The following TIAM1 variants were observed in gnomAD, a reference collection of about 807,000 sequenced individuals.
TIAM1 encodes the protein rho guanine nucleotide exchange factor TIAM1.
A neutral mutation model predicts 163.5 loss-of-function variants in TIAM1; 65 were observed. That is an observed-to-expected ratio of 0.40 (90% CI 0.33 to 0.49). The LOEUF (loss-of-function observed/expected upper bound fraction) is 0.49. TIAM1 is among the 20% of genes least tolerant of loss of function. The probability of loss-of-function intolerance (pLI) is 0.77; values close to 1 mark genes in which losing one functional copy is unlikely to be tolerated. For missense variants in TIAM1, 1,789 were observed against 2,044.7 expected (o/e 0.87, Z 2.41); for synonymous variants, 833 against 810.1 (o/e 1.03, Z -0.48).
intron 2 of TIAM1, among the ~76,000 whole-genome samples, chr21:31,298,371 TA>T (rs2074370140): frequency 6.6e-6 from 1 of 152,242 alleles, no homozygotes; most frequent in Non-Finnish European, 1.5e-5. Flanking sequence ...ACTGATTTTG[TA>T]AACTGTCTAT....
chr21:31,245,748 C>T (rs2146720687), intron 5 of TIAM1, 88 bp from the exon 6 acceptor site: 1 of 1,218,502 alleles, frequency 8.2e-7, no homozygotes, highest in East Asian at 3.1e-5. Flanking sequence ...TGCACCCTGT[C>T]AGAGGCTGAA....
chr21:31,264,261 C>A (rs967119455), intron 4 of TIAM1, among the ~76,000 whole-genome samples: 2 of 152,126 alleles, frequency 1.3e-5, no homozygotes, highest in Middle Eastern at 6.3e-3. Context: ...ATTCGTTTTT[C>A]AACTCTTGCT....
chr21:31,347,337 A>T (rs868081977), upstream of TIAM1, among the ~76,000 whole-genome samples: 3 of 152,080 alleles, frequency 2.0e-5, no homozygotes, highest in Non-Finnish European at 2.9e-5. Context: ...CCTCGGAGGG[A>T]AGCAGGACTT....
intron 2 of TIAM1, among the ~76,000 whole-genome samples, chr21:31,290,957 C>CT: frequency 6.6e-6 from 1 of 152,142 alleles, no homozygotes; most frequent in Non-Finnish European, 1.5e-5. Flanking sequence ...CTAGCGCTCA[C>CT]TAGGGACCAC....
chr21:31,157,744 C>CA (rs1482087298), intron 16 of TIAM1, among the ~76,000 whole-genome samples: 1 of 152,124 alleles, frequency 6.6e-6, no homozygotes. Context: ...ATTTAACATG[C>CA]AAATTCCACG....
intron 16 of TIAM1, among the ~76,000 whole-genome samples, chr21:31,154,820 G>A (rs13046656): frequency 1.3e-5 from 2 of 152,260 alleles, no homozygotes; most frequent in Non-Finnish European, 1.5e-5. Context: ...GCAAGAAGTC[G>A]ATAAATCAGG....
At chr21:31,426,821 C>T (rs1211666447) in intron 2 of TIAM1, among the ~76,000 whole-genome samples, 3 of 152,142 alleles carry the variant, frequency 2.0e-5, no homozygotes, top group Non-Finnish European at 4.4e-5. Flanking sequence ...CATCAACCAA[C>T]AAGACAGATG....
chr21:31,508,926 G>A (rs1050790144), intron 1 of TIAM1, among the ~76,000 whole-genome samples: 11 of 152,118 alleles, frequency 7.2e-5, no homozygotes, highest in African/African-American at 2.4e-4. Context: ...AGGACATTTA[G>A]CAAACTGGGC....
chr21:31,389,931 A>C (rs1602161164), intron 2 of TIAM1, among the ~76,000 whole-genome samples: 1 of 152,312 alleles, frequency 6.6e-6, no homozygotes, highest in Non-Finnish European at 1.5e-5. Context: ...TGACAAATTT[A>C]TTTCATTACA....
chr21:31,147,313 A>T (rs2083169689), intron 19 of TIAM1, among the ~76,000 whole-genome samples: 1 of 152,132 alleles, frequency 6.6e-6, no homozygotes, highest in African/African-American at 2.4e-5. Context: ...GAGAAAGTAT[A>T]TACTTTGGAA....
intron 2 of TIAM1, among the ~76,000 whole-genome samples, chr21:31,296,901 A>G (rs373990536): frequency 2.4e-4 from 37 of 152,216 alleles, no homozygotes; most frequent in East Asian, 5.8e-4. Flanking sequence ...CTGACCTCAT[A>G]ATCCGCCCGC....
Position 31,130,260 on chromosome 21 carries a change from T to A in TIAM1, c.3998A>T (p.His1333Leu), listed in dbSNP as rs1601195806. ...CTGCAGCGCTTCCGTGGGGATCATG[T>A]GTCGAAATCTGAAGGGGTCCCAGTC... ...YEDWDPFRFR[H>L]MIPTEALQVR... The change falls in exon 25 of 28, where the codon CAC becomes CTC. Residue 1333 changes from histidine (H) to leucine (L), a missense_variant. His to Leu is a moderately conservative substitution (Grantham distance 99). Around this residue, in one of 5 missense-constraint regions of TIAM1, gnomAD observed 415 missense variants for 439.2 expected, o/e 0.94. Transcript: ENST00000541036. 1.2e-6 allele frequency: 2 copies of A among 1,614,144 alleles called. No individual in the cohort carries two copies. The highest frequency in any genetic ancestry group is 1.3e-5 in the African/African-American group (1 of 75,038).
At chr21:31,157,977 T>C (rs776788448) in intron 16 of TIAM1, among the ~76,000 whole-genome samples, 1 of 152,224 alleles carries the variant, frequency 6.6e-6, no homozygotes, top group Non-Finnish European at 1.5e-5. Flanking sequence ...CACATTCCTT[T>C]GTGCTTCCAA....
intron 12 of TIAM1, among the ~76,000 whole-genome samples, chr21:31,197,257 A>T (rs190294437): frequency 3.3e-4 from 50 of 152,344 alleles, no homozygotes; most frequent in Middle Eastern, 3.4e-3. Flanking sequence ...AAAATTATTT[A>T]AAAAATTTTT....
chr21:31,283,515 CTTTCTTTCT>C (rs2073661925), intron 2 of TIAM1, among the ~76,000 whole-genome samples: 1 of 151,708 alleles, frequency 6.6e-6, no homozygotes, highest in Non-Finnish European at 1.5e-5. Flanking sequence ...CCATTTCTTT[CTTTCTTTCT>C]TTTCTTTCCC....
chr21:31,360,214 G>A lies in TIAM1; in HGVS notation c.-368-20792C>T, dbSNP rs576580375. On this transcript the variant is annotated intron_variant, in intron 2 of 28. Coordinates refer to the TIAM1 transcript ENST00000286827. ...TTCTAAGTGTTTGAAGAAAATCACC[G>A]CCAACTGAGAATTCTATATGCAGCA... Among the ~76,000 whole-genome samples the A allele has an allele frequency of 1.3e-4, 20 of 152,056 alleles. No homozygotes were observed. In the East Asian group the frequency reaches 1.7e-3, roughly 13 times the overall value.
chr21:31,383,105 T>C (rs1304720615), intron 2 of TIAM1, among the ~76,000 whole-genome samples: 1 of 152,074 alleles, frequency 6.6e-6, no homozygotes, highest in African/African-American at 2.4e-5. Flanking sequence ...CCTGGCGTGG[T>C]GGTGGGCACC....
intron 2 of TIAM1, among the ~76,000 whole-genome samples, chr21:31,289,944 A>G (rs572775774): frequency 1.1e-3 from 160 of 152,278 alleles, no homozygotes; most frequent in African/African-American, 3.2e-3. Flanking sequence ...CTTGCCCTCT[A>G]CGAATCAATG....
chr21:31,275,958 T>C (rs2073281035), intron 3 of TIAM1, among the ~76,000 whole-genome samples: 1 of 152,214 alleles, frequency 6.6e-6, no homozygotes, highest in African/African-American at 2.4e-5. Flanking sequence ...ACGTAATCAT[T>C]ACCCTTCTAT....
Sources: allele counts gnomAD v4.1 joint callset (sites outside exome capture counted in the v4.1 genomes callset), GRCh38; gene constraint gnomAD v4.1.1; regional missense constraint gnomAD v4.1.1; transcripts MANE v1.5; gene names NCBI Gene and HGNC (gene_info 2026-07-23, HGNC 2026-07-21).